The following ACSL5 variants were observed in gnomAD, a reference collection of about 807,000 sequenced individuals.
The protein encoded by ACSL5 is long-chain-fatty-acid--CoA ligase 5.
Under a neutral mutation model 84.9 loss-of-function variants are expected in ACSL5, and 50 were observed. The ratio of observed to expected loss-of-function variants is 0.59; its 90% CI spans 0.47 to 0.75. The LOEUF is 0.75. Among genes scored for constraint, ACSL5 ranks in the 30% least tolerant of loss-of-function variants. The pLI, the probability that ACSL5 is intolerant of heterozygous loss-of-function variation, is 0.00. For missense variants in ACSL5, 775 were observed against 830.4 expected (o/e 0.93, Z 0.82); for synonymous variants, 280 against 300.7 (o/e 0.93, Z 0.71).
At chr10:112,383,164 A>G (rs1431753190) in intron 1 of ACSL5, among the ~76,000 whole-genome samples, 8 of 152,366 alleles carry the variant, frequency 5.3e-5, no homozygotes, top group Middle Eastern at 3.4e-3. Context: ...GCACACCTGT[A>G]GTCTCAGATA....
chr10:112,410,137 T>C, intron 7 of ACSL5: 1 of 1,232,060 alleles, frequency 8.1e-7, no homozygotes, highest in East Asian at 3.9e-5. Context: ...GTGATGGATA[T>C]GTAATAAGCT....
At chr10:112,378,228 T>C (rs1357755028) in intron 1 of ACSL5, among the ~76,000 whole-genome samples, 1 of 4,218 alleles carries the variant, frequency 2.4e-4, no homozygotes, top group East Asian at 0.011. Context: ...CTTCTTCTTG[T>C]TTTTTTTTTT....
At chr10:112,401,780 TTCTTTC>T (rs1264243503) in intron 3 of ACSL5, among the ~76,000 whole-genome samples, 77 of 135,434 alleles carry the variant, frequency 5.7e-4, no homozygotes, top group African/African-American at 2.3e-3. Context: ...TTCTTTTTCT[TTCTTTC>T]TCTTTCTTTC....
chr10:112,410,335 T>G (rs1844148484), intron 7 of ACSL5, 128 bp from the exon 8 acceptor site: 2 of 1,555,902 alleles, frequency 1.3e-6, no homozygotes, highest in Non-Finnish European at 1.7e-6. Context: ...CTGGTCCTGA[T>G]CCAGGTTGGA....
At chr10:112,410,241 C>T (rs998980517) in intron 7 of ACSL5, 20 of 1,521,908 alleles carry the variant, frequency 1.3e-5, no homozygotes, top group Non-Finnish European at 1.6e-5. Context: ...TTTGAACATG[C>T]AATCTACCCT....
intron 1 of ACSL5, among the ~76,000 whole-genome samples, chr10:112,377,182 G>A (rs1271672777): frequency 1.3e-5 from 2 of 152,108 alleles, no homozygotes; most frequent in African/African-American, 4.8e-5. Context: ...CTGAAAGGTA[G>A]AATTGAATCT....
chr10:112,411,627 T>TAC (rs3831106), intron 10 of ACSL5, 98 bp downstream of exon 10: 219,918 of 813,490 alleles, frequency 0.27, 10,679 homozygotes, highest in Admixed American at 0.39. Flanking sequence ...CACACACACA[T>TAC]ACACACACAC....
intron 12 of ACSL5, among the ~76,000 whole-genome samples, chr10:112,415,643 A>G (rs1388677800): frequency 2.6e-5 from 4 of 152,230 alleles, no homozygotes; most frequent in African/African-American, 9.6e-5. Flanking sequence ...TGATAATGTT[A>G]TAGGCATAAG....
At chr10:112,398,792 C>A (rs1359672831) in intron 2 of ACSL5, 109 bp from the exon 3 acceptor site, 3 of 841,962 alleles carry the variant, frequency 3.6e-6, no homozygotes, top group African/African-American at 1.7e-5. Context: ...AGAGAACATT[C>A]CCGTGACCTC....
At chr10:112,382,915 G>C (rs941887661) in intron 1 of ACSL5, among the ~76,000 whole-genome samples, 5 of 152,146 alleles carry the variant, frequency 3.3e-5, no homozygotes, top group African/African-American at 1.2e-4. Flanking sequence ...TTTTAACAGG[G>C]CTCCCTTTGG....
chr10:112,402,050 C>T (rs1038406057), intron 3 of ACSL5, among the ~76,000 whole-genome samples: 1 of 151,940 alleles, frequency 6.6e-6, no homozygotes, highest in Non-Finnish European at 1.5e-5. Context: ...ACTGCAACCT[C>T]CACCTCCTGG....
Position 112,427,450 on chromosome 10 carries a change from C to A in ACSL5, c.*92C>A. 7.7e-7 allele frequency: 1 copy of A among 1,305,802 alleles called. No individual in the cohort carries two copies. Among genetic ancestry groups the A allele is most frequent in the South Asian group, 1.7e-5 (1 of 57,160 alleles). The allele number at this position is 1,305,802 out of a possible 1,614,324, so 80.9% of individuals were successfully genotyped here. On this transcript the variant is annotated 3_prime_UTR_variant, in exon 21 of 21. Coordinates refer to ENST00000354655, the MANE Select transcript of ACSL5 (RefSeq NM_203379.2). The stretch of plus-strand genomic sequence containing the variant: ...TCTTACATTTGTTTTGCCTTTCCTC[C>A]TATTTTTTTTTAACCTGTTAAACTC...
intron 4 of ACSL5, 64 bp downstream of exon 4, chr10:112,404,639 G>T (rs147631386): frequency 6.9e-6 from 11 of 1,592,612 alleles, no homozygotes; most frequent in Non-Finnish European, 9.5e-6. Flanking sequence ...TACAGGATAC[G>T]ATATTGGTCA....
intron 17 of ACSL5, among the ~76,000 whole-genome samples, chr10:112,423,178 T>A (rs1316437698): frequency 7.9e-5 from 5 of 62,984 alleles, no homozygotes; most frequent in Non-Finnish European, 8.2e-5. Context: ...ACAGAGCGAG[T>A]CTCTGTCTCA....
At chr10:112,421,500 A>C in intron 14 of ACSL5, 93 bp from the exon 15 acceptor site, 3 of 1,139,140 alleles carry the variant, frequency 2.6e-6, no homozygotes, top group African/African-American at 1.5e-5. Context: ...TCGAACCCTT[A>C]GAGACCTTGC....
chr10:112,409,794 G>T (rs7919710), intron 7 of ACSL5, 109 bp downstream of exon 7: 2 of 1,091,864 alleles, frequency 1.8e-6, no homozygotes, highest in Admixed American at 4.0e-5. Flanking sequence ...GGGGTGGCAC[G>T]TGAGGAGTAG....
At chr10:112,383,490 G>A (rs532325742) in intron 1 of ACSL5, among the ~76,000 whole-genome samples, 1 of 152,334 alleles carries the variant, frequency 6.6e-6, no homozygotes, top group East Asian at 1.9e-4. Context: ...CAGTTTCAGG[G>A]CCCCTCGGCC....
chr10:112,416,893 A>C lies in ACSL5; in HGVS notation c.1089A>C (p.Gln363His). ...AAGGAGCTATCACTCTGCAGGTACA[A>C]AATGAGGCCAAGACACCCTTGAAGA... ...RLLNRIYDKV[Q>H]NEAKTPLKKF... The change falls in exon 13 of 21, where the codon CAA becomes CAC. Residue 363 changes from glutamine to histidine, a missense_variant. By Grantham distance (24) the Gln-to-His change is conservative. Transcript: ENST00000354655. 6.2e-7 allele frequency: 1 copy of C among 1,614,076 alleles called. No individual in the cohort carries two copies. The highest frequency in any genetic ancestry group is 8.5e-7 in the Non-Finnish European group (1 of 1,179,934).
At chr10:112,420,341 G>C (rs1844428080) in intron 14 of ACSL5, among the ~76,000 whole-genome samples, 1 of 152,110 alleles carries the variant, frequency 6.6e-6, no homozygotes, top group Non-Finnish European at 1.5e-5. Flanking sequence ...GCAAATTGTA[G>C]CACTGGCTAA....
Sources: allele counts gnomAD v4.1 joint callset (sites outside exome capture counted in the v4.1 genomes callset), GRCh38; gene constraint gnomAD v4.1.1; transcripts MANE v1.5; gene names NCBI Gene and HGNC (gene_info 2026-07-23, HGNC 2026-07-21).